Variants in TTN observed in about 807,000 individuals in gnomAD.
The protein encoded by TTN is connectin.
A neutral mutation model predicts 3,223.0 loss-of-function variants in TTN; 1,525 were observed. That is an observed-to-expected ratio of 0.47 (90% CI 0.45 to 0.49). The LOEUF is 0.49. TTN is among the 20% of genes least tolerant of loss of function. The pLI is 0.00. For missense variants in TTN, 40,786 were observed against 43,424.0 expected, an observed-to-expected ratio of 0.94 and a Z score of 5.40; for synonymous variants, 14,094 against 15,161.0, an observed-to-expected ratio of 0.93 and a Z score of 5.17.
At chr2:178,766,082 C>A (rs549239352) in intron 41 of TTN, among the ~76,000 whole-genome samples, 1 of 152,086 alleles carries the variant, frequency 6.6e-6, no homozygotes, top group Non-Finnish European at 1.5e-5. Flanking sequence ...AGTTTAACAG[C>A]GAATCTAGAA....
intron 6 of TTN, among the ~76,000 whole-genome samples, chr2:178,797,338 C>T (rs185276432): frequency 2.5e-4 from 38 of 151,782 alleles, no homozygotes; most frequent in Admixed American, 2.4e-3. Flanking sequence ...ATTTTTGTGG[C>T]TAAAACAATA....
Position 178,594,180 on chromosome 2 carries a change from C to T in TTN, c.58213G>A (p.Ala19405Thr). 2.5e-6 allele frequency: 4 copies of T among 1,613,320 alleles called. No individual in the cohort carries two copies. The highest frequency in any genetic ancestry group is 3.4e-6 in the Non-Finnish European group (4 of 1,179,600). Residue 19405 changes from alanine to threonine, a missense_variant, in exon 297 of 363, where the codon GCC (alanine) becomes ACC (threonine). By Grantham distance (58) the Ala-to-Thr change is moderately conservative. Coordinates refer to ENST00000589042, the MANE Select transcript of TTN (RefSeq NM_001267550.2). ...KLTIRVGEAF[A>T]LTGRYSGKPK... is the part of the protein sequence containing the mutation. The stretch of plus-strand genomic sequence containing the variant: ...TTGCCTGAGTAACGGCCAGTGAGGG[C>T]AAAAGCTTCACCAACTCGAATCGTG...
Position 178,590,833 on chromosome 2 carries a change from C to A in TTN, c.60892G>T (p.Asp20298Tyr), listed in dbSNP as rs780008017. ...ATVSWTLPKS[D>Y]GGSPITGYYM... is the part of the protein sequence containing the mutation. Reference sequence around the variant, plus strand: ...TAGCCAGTTATTGGACTGCCACCATCAGATTTTGGCAGGGTCCAAGACACT... The same window carrying A: ...TAGCCAGTTATTGGACTGCCACCATAAGATTTTGGCAGGGTCCAAGACACT... Residue 20298 changes from aspartate to tyrosine, a missense_variant, in exon 304 of 363, where the codon GAT becomes TAT. By Grantham distance (160) the Asp-to-Tyr change is radical (BLOSUM62 -3). Coordinates refer to ENST00000589042, the MANE Select transcript of TTN (RefSeq NM_001267550.2). 1.2e-6 allele frequency: 2 copies of A among 1,607,088 alleles called. No homozygotes were observed. Among genetic ancestry groups the A allele is most frequent in the Non-Finnish European group, 1.7e-6 (2 of 1,174,334 alleles).
Position 178,759,029 on chromosome 2 carries a change from T to G in TTN, c.10258A>C (p.Asn3420His), listed in dbSNP as rs1392369048. The G allele has an allele frequency of 3.1e-6, 5 of 1,613,902 alleles. No individual in the cohort carries two copies. Among genetic ancestry groups the G allele is most frequent in the Non-Finnish European group, 4.2e-6 (5 of 1,179,940 alleles). ...GTGCTTGATACTTGGCCTACAGCAT[T>G]ACTAGCAACAAACGTGTAAGTTCCT... ...DEGTYTFVAS[N>H]AVGQVSSTAN... Residue 3420 changes from asparagine to histidine, a missense_variant, in exon 44 of 363, where the codon AAT becomes CAT. Asn to His is a moderately conservative substitution (Grantham distance 68). Coordinates refer to ENST00000589042, the MANE Select transcript of TTN (RefSeq NM_001267550.2).
Position 178,590,128 on chromosome 2 carries a change from C to G in TTN, c.61597G>C (p.Glu20533Gln), listed in dbSNP as rs970448292. ...VDLIQDLPRV[E>Q]LQIKEAVRAD... is the part of the protein sequence containing the mutation. ...CTAACAGCTTCTTTAATTTGTAACT[C>G]AACACGAGGTAGATCCTGAATAAGG... The change falls in exon 304 of 363, where the codon GAG becomes CAG. Residue 20533 changes from glutamate to glutamine, a missense_variant. Transcript: ENST00000589042. 1.2e-6 allele frequency: 2 copies of G among 1,613,204 alleles called. No homozygotes were observed. Among genetic ancestry groups the G allele is most frequent in the Non-Finnish European group, 8.5e-7 (1 of 1,179,472 alleles).
chr2:178,665,433 G>T lies in TTN; in HGVS notation c.35987C>A (p.Pro11996His). The change falls in exon 165 of 363, where the codon CCT (proline) becomes CAT (histidine). Residue 11996 changes from proline to histidine, a missense_variant. Physicochemically the swap from Pro to His is moderately conservative, Grantham distance 77. Coordinates refer to ENST00000589042, the MANE Select transcript of TTN (RefSeq NM_001267550.2). The part of the protein sequence containing the change: ...KAPEAMKEVV[P>H]EMKIFEDVPE... ...TACATCCTCAAATATTTTCATTTCAGGGACAACTTCTTTCATAGCTTCTGG... is the reference window on the plus strand; with the variant it reads ...TACATCCTCAAATATTTTCATTTCATGGACAACTTCTTTCATAGCTTCTGG... 1 of 1,612,324 alleles carries T rather than the reference G, an allele frequency of 6.2e-7. No homozygotes were observed. The highest frequency in any genetic ancestry group is 1.1e-5 in the South Asian group (1 of 91,066).
At chr2:178,529,838 G>A in intron 359 of TTN, 122 bp downstream of exon 359, 1 of 1,095,934 alleles carries the variant, frequency 9.1e-7, no homozygotes, top group Non-Finnish European at 1.3e-6. Flanking sequence ...TTGTATTCTG[G>A]AATTAGGAAA....
At position 178,728,586 on chromosome 2, in the gene TTN, A is replaced by G. The variant is rs1270776568; in HGVS notation, c.19340T>C (p.Val6447Ala). The G allele has an allele frequency of 1.2e-6, 2 of 1,613,086 alleles. No individual in the cohort carries two copies. The highest frequency in any genetic ancestry group is 2.7e-5 in the African/African-American group (2 of 74,880). The stretch of plus-strand genomic sequence containing the variant: ...GTACTGACCGCTGTCCTGCTTCATT[A>G]CTGACTGAATTCTAAAACTGGCCAC... Reference protein sequence around the residue: ...NNVASFRIQSVMKQDSGQYTF... With the variant: ...NNVASFRIQSAMKQDSGQYTF... Residue 6447 changes from valine to alanine, a missense_variant, in exon 66 of 363, where the codon GTA (valine) becomes GCA (alanine). Transcript: ENST00000589042.
At chr2:178,756,110 T>C (rs2086847860) in intron 46 of TTN, 112 bp downstream of exon 46, 1 of 815,100 alleles carries the variant, frequency 1.2e-6, no homozygotes, top group Admixed American at 2.5e-5. Context: ...AATAGGGTGC[T>C]AATTTAGAGA....
chr2:178,775,553 T>C lies in TTN; in HGVS notation c.6311A>G (p.Lys2104Arg). The C allele has an allele frequency of 1.2e-6, 2 of 1,614,014 alleles. No individual in the cohort carries two copies. Among genetic ancestry groups the C allele is most frequent in the Non-Finnish European group, 1.7e-6 (2 of 1,179,988 alleles). ...GTACCATTCACATTCGGGGTCTGGT[T>C]TCCCCACGACTCTGACCCGGAAGTG... is the stretch of plus-strand genomic sequence containing the variant. Reference protein sequence around the residue: ...DAHFRVRVVGKPDPECEWYKN... With the variant: ...DAHFRVRVVGRPDPECEWYKN... The change falls in exon 28 of 363, where the codon AAA (lysine) becomes AGA (arginine). Residue 2104 changes from lysine (K) to arginine (R), a missense_variant. Transcript: ENST00000589042.
At chr2:178,597,388 T>C (rs1320234187) in intron 294 of TTN, 150 bp downstream of exon 294, 3 of 952,296 alleles carry the variant, frequency 3.2e-6, no homozygotes, top group Non-Finnish European at 4.5e-6. Flanking sequence ...AAGGAGGAAA[T>C]TTTTAAAAAT....
chr2:178,784,463 A>C, intron 15 of TTN, 112 bp from the exon 16 acceptor site: 5 of 1,252,846 alleles, frequency 4.0e-6, no homozygotes, highest in Non-Finnish European at 4.4e-6. Flanking sequence ...TAATGTTCTC[A>C]TTAGCACTCA....
In TTN at chr2:178,570,089, C is replaced by A; in HGVS notation, c.76043G>T (p.Gly25348Val). 1 of 1,613,430 alleles carries A rather than the reference C, an allele frequency of 6.2e-7. No homozygotes were observed. Residue 25348 changes from glycine to valine, a missense_variant, in exon 326 of 363, where the codon GGC becomes GTC. Gly to Val is a moderately radical substitution (Grantham distance 109). Coordinates refer to ENST00000589042, the MANE Select transcript of TTN (RefSeq NM_001267550.2). ...GYVLEKRDKEGIRWTRCHKRL... is the reference protein window; with the variant it reads ...GYVLEKRDKEVIRWTRCHKRL... ...CTTATGGCATCTTGTCCATCTAATGCCTTCTTTATCCCGTTTCTCAAGAAC... is the reference window on the plus strand; with the variant it reads ...CTTATGGCATCTTGTCCATCTAATGACTTCTTTATCCCGTTTCTCAAGAAC...
At chr2:178,626,690 T>G (rs2059105472) in intron 240 of TTN, among the ~76,000 whole-genome samples, 1 of 151,918 alleles carries the variant, frequency 6.6e-6, no homozygotes, top group Non-Finnish European at 1.5e-5. Flanking sequence ...GGTAGTTAAA[T>G]ATGCCCTTGG....
rs1559420762 is a variant in TTN, at chr2:178,572,994, T to TGCTGGACCA, written c.73137_73138insTGGTCCAGC (p.Leu24379_Lys24380insTrpSerSer). 1 of 1,613,184 alleles carries TGCTGGACCA rather than the reference T, an allele frequency of 6.2e-7. No homozygotes were observed. The highest frequency in any genetic ancestry group is 8.5e-7 in the Non-Finnish European group (1 of 1,179,502). On this transcript the variant is annotated inframe_insertion, in exon 326 of 363. Transcript: ENST00000589042. Reference sequence around the variant, plus strand: ...CCAGTGATAGTATACGAAGTTGCCTTGAGTCCTGCTGGTGGAGTGACAATC... The same window carrying TGCTGGACCA: ...CCAGTGATAGTATACGAAGTTGCCTTGCTGGACCAGAGTCCTGCTGGTGGAGTGACAATC...
rs1220891239 is a variant in TTN at position 178,647,603 on chromosome 2, T to A, written c.40058-139A>T. 4.2e-6 allele frequency: 3 copies of A among 720,110 alleles called. No homozygotes were observed. In the East Asian group the frequency reaches 8.2e-5, roughly 20 times the overall value. The allele number at this position is 720,110 out of a possible 1,614,324, so 44.6% of individuals were successfully genotyped here. A position where few individuals can be genotyped will look rare whatever the true frequency, so the allele number is the denominator to read the frequency against. On this transcript the variant is annotated intron_variant, in intron 213 of 362. Coordinates refer to ENST00000589042, the MANE Select transcript of TTN (RefSeq NM_001267550.2). The stretch of plus-strand genomic sequence containing the variant: ...ATGGCTTCTGAGACATGGCACCATT[T>A]TGGACATCCTAATTTTATATATGAA...
intron 317 of TTN, 22 bp downstream of exon 317, chr2:178,580,300 T>C: frequency 6.2e-7 from 1 of 1,606,982 alleles, no homozygotes; most frequent in Non-Finnish European, 8.5e-7. Flanking sequence ...ATATATATGA[T>C]TCTTTTTTGA....
chr2:178,622,544 T>A, intron 243 of TTN, 126 bp downstream of exon 243: 1 of 694,872 alleles, frequency 1.4e-6, no homozygotes, highest in Non-Finnish European at 2.4e-6. Context: ...TATACTACAA[T>A]TATCTTTAAA....
Position 178,528,832 on chromosome 2 carries a change from A to G in TTN, c.106919T>C (p.Leu35640Pro), listed in dbSNP as rs750550267. ...AGAGTTGGTAAGCTCTACGCCATTC[A>G]GTACCCATTTCACATCAGTGGCACC... is the stretch of plus-strand genomic sequence containing the variant. ...IAGATDVKWV[L>P]NGVELTNSEE... The change falls in exon 360 of 363, where the codon CTG becomes CCG. Residue 35640 changes from leucine to proline, a missense_variant. Physicochemically the swap from Leu to Pro is moderately conservative, Grantham distance 98 (BLOSUM62 -3). Transcript: ENST00000589042. 3 of 1,613,976 alleles carry G rather than the reference A, an allele frequency of 1.9e-6. No homozygotes were observed. The highest frequency in any genetic ancestry group is 3.3e-5 in the Admixed American group (2 of 60,008).
Sources: gnomAD v4.1 joint callset for allele counts (sites outside exome capture counted in the v4.1 genomes callset) on GRCh38, gnomAD v4.1.1 for gene constraint, MANE v1.5 for transcripts, NCBI Gene and HGNC (gene_info 2026-07-23, HGNC 2026-07-21) for gene names.